EEIG2: variants seen among roughly 807,000 people sequenced by gnomAD.
EEIG2 encodes EEIG family member 2, also known as family with sequence similarity 102 member B.
the EEIG2 span, among the ~76,000 whole-genome samples, chr1:108,607,864 G>T: frequency 2.0e-5 from 3 of 152,082 alleles, no homozygotes; most frequent in Non-Finnish European, 4.4e-5. Context: ...TTTACAGCCT[G>T]CACTGGCCTT....
chr1:108,586,282 A>G, the EEIG2 span, among the ~76,000 whole-genome samples: 21,158 of 151,376 alleles, frequency 0.14, 2,250 homozygotes, highest in African/African-American at 0.3. Context: ...CAATGTCTTG[A>G]ATTATATAAC....
At chr1:108,618,855 A>G in the EEIG2 span, among the ~76,000 whole-genome samples, 1 of 151,768 alleles carries the variant, frequency 6.6e-6, no homozygotes, top group African/African-American at 2.4e-5. Flanking sequence ...AAAAAAATCA[A>G]TTCTTGATTA....
the EEIG2 span, among the ~76,000 whole-genome samples, chr1:108,578,930 C>T: frequency 8.9e-6 from 1 of 112,930 alleles, no homozygotes; most frequent in African/African-American, 3.5e-5. Flanking sequence ...AAAAGAGCTC[C>T]TGAAGGAAGC....
the EEIG2 span, among the ~76,000 whole-genome samples, chr1:108,582,776 G>T: frequency 6.6e-6 from 1 of 152,148 alleles, no homozygotes; most frequent in Non-Finnish European, 1.5e-5. Flanking sequence ...TTTGGGGTAG[G>T]ACAGAAACAG....
At chr1:108,581,070 G>T in the EEIG2 span, among the ~76,000 whole-genome samples, 1 of 152,192 alleles carries the variant, frequency 6.6e-6, no homozygotes, top group African/African-American at 2.4e-5. Context: ...ACTTATCAAT[G>T]TGAAAATCCT....
the EEIG2 span, among the ~76,000 whole-genome samples, chr1:108,601,936 G>A: frequency 6.6e-6 from 1 of 152,140 alleles, no homozygotes; most frequent in Admixed American, 6.6e-5. Flanking sequence ...ATGAGTTCCT[G>A]CCCCCAGGGA....
the EEIG2 span, among the ~76,000 whole-genome samples, chr1:108,609,907 AG>A: frequency 1.3e-5 from 2 of 150,174 alleles, no homozygotes; most frequent in South Asian, 2.1e-4. Flanking sequence ...GCCTGTCGGG[AG>A]GGGGCGGGAG....
chr1:108,615,275 C>T, the EEIG2 span, among the ~76,000 whole-genome samples: 1 of 152,224 alleles, frequency 6.6e-6, no homozygotes, highest in East Asian at 1.9e-4. Context: ...CCTAGGAATA[C>T]TGAAAATTAA....
At chr1:108,602,331 G>A in the EEIG2 span, among the ~76,000 whole-genome samples, 3 of 152,270 alleles carry the variant, frequency 2.0e-5, no homozygotes, top group Admixed American at 2.0e-4. Flanking sequence ...TCAAAGTCAA[G>A]GTGTCAGCAG....
At chr1:108,635,088 T>C in the EEIG2 span, 12 of 1,614,000 alleles carry the variant, frequency 7.4e-6, no homozygotes, top group Admixed American at 3.3e-5. Context: ...TTTTGAAGTT[T>C]TTTTCCACTG....
At chr1:108,626,911 G>A in the EEIG2 span, 1 of 152,146 alleles carries the variant, frequency 6.6e-6, no homozygotes, top group Non-Finnish European at 1.5e-5. Flanking sequence ...TTACCAGGTT[G>A]TGTCAGATGC....
At chr1:108,618,775 T>G in the EEIG2 span, among the ~76,000 whole-genome samples, 1 of 150,436 alleles carries the variant, frequency 6.6e-6, no homozygotes, top group Non-Finnish European at 1.5e-5. Flanking sequence ...AAGTGGAGGT[T>G]GCAGTGAGCC....
the EEIG2 span, chr1:108,560,686 AT>A: frequency 2.5e-6 from 3 of 1,208,902 alleles, no homozygotes; most frequent in African/African-American, 1.6e-5. Context: ...AATCAGTCGA[AT>A]TTATTGATCT....
the EEIG2 span, among the ~76,000 whole-genome samples, chr1:108,634,701 C>T: frequency 1.4e-4 from 21 of 152,124 alleles, no homozygotes; most frequent in African/African-American, 5.1e-4. Flanking sequence ...ATGAAAACGC[C>T]ACAATATTAT....
At chr1:108,593,913 C>T in the EEIG2 span, among the ~76,000 whole-genome samples, 1 of 152,138 alleles carries the variant, frequency 6.6e-6, no homozygotes, top group Non-Finnish European at 1.5e-5. Context: ...TCAAGCAATC[C>T]TCCCACCTCA....
the EEIG2 span, among the ~76,000 whole-genome samples, chr1:108,615,104 G>A: frequency 2.6e-4 from 39 of 152,314 alleles, no homozygotes; most frequent in Admixed American, 2.6e-3. Context: ...TCCATTAGCT[G>A]CAGAACATAC....
At chr1:108,620,442 C>G in the EEIG2 span, among the ~76,000 whole-genome samples, 1 of 152,092 alleles carries the variant, frequency 6.6e-6, no homozygotes, top group South Asian at 2.1e-4. Flanking sequence ...CATCAAACAC[C>G]CACCAACTCT....
chr1:108,609,887 A>G, the EEIG2 span, among the ~76,000 whole-genome samples: 1 of 152,166 alleles, frequency 6.6e-6, no homozygotes, highest in African/African-American at 2.4e-5. Context: ...GGGGATCAGC[A>G]CACACTGGGG....
At chr1:108,606,258 C>A in the EEIG2 span, 1 of 1,553,778 alleles carries the variant, frequency 6.4e-7, no homozygotes. Flanking sequence ...CAAAGGTAAG[C>A]AGATGTTCTT....
Sources: gnomAD v4.1 joint callset for allele counts (sites outside exome capture counted in the v4.1 genomes callset) on GRCh38, gnomAD v4.1.1 for gene constraint, MANE v1.5 for transcripts, NCBI Gene and HGNC (gene_info 2026-07-23, HGNC 2026-07-21) for gene names.